CADPS: variants seen among roughly 807,000 people sequenced by gnomAD.
CADPS encodes calcium-dependent secretion activator 1.
Under a neutral mutation model 167.3 loss-of-function variants are expected in CADPS, and 57 were observed. That is an observed-to-expected ratio of 0.34 (90% confidence interval 0.28 to 0.42). The LOEUF (loss-of-function observed/expected upper bound fraction) is 0.42. Ranked by LOEUF, CADPS falls within the 20% of genes least tolerant of loss-of-function variation. The pLI, the probability that CADPS is intolerant of heterozygous loss-of-function variation, is 1.00. For missense variants in CADPS, 1,414 were observed against 1,738.1 expected (o/e 0.81, Z 3.32); for synonymous variants, 676 against 635.3 (o/e 1.06, Z -0.96).
chr3:62,825,451 G>A (rs1005741904), intron 1 of CADPS, among the ~76,000 whole-genome samples: 2 of 152,074 alleles, frequency 1.3e-5, no homozygotes, highest in African/African-American at 2.4e-5. Context: ...CTGAAACTCC[G>A]GGCGTGGAGG....
intron 8 of CADPS, among the ~76,000 whole-genome samples, chr3:62,584,151 C>T (rs2084057503): frequency 1.3e-5 from 2 of 152,012 alleles, no homozygotes; most frequent in Middle Eastern, 3.4e-3. Flanking sequence ...ATTACAGGTG[C>T]CCACCACCAT....
At chr3:62,658,993 C>A (rs982077739) in intron 4 of CADPS, among the ~76,000 whole-genome samples, 1 of 152,156 alleles carries the variant, frequency 6.6e-6, no homozygotes, top group Non-Finnish European at 1.5e-5. Flanking sequence ...AGTTTCTCTG[C>A]AGGTTCTGTG....
chr3:62,592,518 A>T, intron 7 of CADPS, 119 bp downstream of exon 7: 1 of 724,572 alleles, frequency 1.4e-6, no homozygotes, highest in Non-Finnish European at 2.4e-6. Flanking sequence ...TCCAGGACTT[A>T]ATGTTCAAAA....
chr3:62,820,514 G>A (rs2094852636), intron 1 of CADPS, among the ~76,000 whole-genome samples: 2 of 152,002 alleles, frequency 1.3e-5, no homozygotes, highest in South Asian at 4.2e-4. Context: ...TATTTCTTAG[G>A]CTGGTTATGT....
chr3:62,820,646 G>A (rs2094859777), intron 1 of CADPS, among the ~76,000 whole-genome samples: 1 of 152,154 alleles, frequency 6.6e-6, no homozygotes, highest in South Asian at 2.1e-4. Flanking sequence ...TCTGAAGGGT[G>A]AAAGCCTGAA....
rs145965301 is a variant in CADPS, at chr3:62,677,277, C to T, written c.889-14883G>A. On this transcript the variant is annotated intron_variant, in intron 3 of 29. Transcript: ENST00000383710. ...TTCACCTTCCTCCTCACCACTAGCA[C>T]CAAAAACAAAAAACCAAAACAACAA... Among the ~76,000 whole-genome samples the T allele has an allele frequency of 5.7e-3, 874 of 152,028 alleles. 16 individuals carry two copies. The highest frequency in any genetic ancestry group is 0.039 in the East Asian group (202 of 5,152).
At chr3:62,557,596 G>C in intron 9 of CADPS, 83 bp from the exon 10 acceptor site, 1 of 1,050,608 alleles carries the variant, frequency 9.5e-7, no homozygotes, top group Non-Finnish European at 1.5e-6. Flanking sequence ...TCTCCTCTGA[G>C]GATCTGGACT....
intron 3 of CADPS, among the ~76,000 whole-genome samples, chr3:62,721,884 A>T (rs1016517502): frequency 6.6e-6 from 1 of 152,194 alleles, no homozygotes; most frequent in African/African-American, 2.4e-5. Context: ...TGCAGCCACT[A>T]GTGTCAGATC....
At chr3:62,762,116 C>T (rs1172231332) in intron 2 of CADPS, among the ~76,000 whole-genome samples, 2 of 152,156 alleles carry the variant, frequency 1.3e-5, no homozygotes, top group Admixed American at 6.5e-5. Context: ...AATAGCACCT[C>T]CTCTCTCCTT....
chr3:62,854,715 G>T (rs2079314310), intron 1 of CADPS, among the ~76,000 whole-genome samples: 1 of 152,116 alleles, frequency 6.6e-6, no homozygotes, highest in Non-Finnish European at 1.5e-5. Flanking sequence ...TCTTCCCAAT[G>T]TAAAACATCT....
At chr3:62,718,518 G>A (rs2075122501) in intron 3 of CADPS, among the ~76,000 whole-genome samples, 1 of 152,164 alleles carries the variant, frequency 6.6e-6, no homozygotes, top group African/African-American at 2.4e-5. Context: ...GCATAGCCAG[G>A]TGGTATTCCT....
chr3:62,669,810 C>T (rs566549334), intron 3 of CADPS, among the ~76,000 whole-genome samples: 3 of 152,314 alleles, frequency 2.0e-5, no homozygotes, highest in South Asian at 2.1e-4. Context: ...GCTTGGCATG[C>T]AGTCACGTTC....
Position 62,532,991 on chromosome 3 carries a change from C to T in CADPS, c.2171G>A (p.Cys724Tyr), listed in dbSNP as rs749110612. Residue 724 changes from cysteine (C) to tyrosine (Y), a missense_variant, in exon 13 of 30, where the codon TGT (cysteine) becomes TAT (tyrosine). This residue lies in a region of CADPS where 529 missense variants were observed against 629.6 expected (regional missense o/e 0.84). Coordinates refer to ENST00000383710, the MANE Select transcript of CADPS (RefSeq NM_003716.4). ...EYCARNGVRG[C>Y]HRHLCYLRDL... is the part of the protein sequence containing the mutation. The stretch of plus-strand genomic sequence containing the variant: ...TCTGAGGTAGCAGAGATGTCGGTGA[C>T]ACCCCCGGACTCCATTTCGGGCGCA... 1 of 1,613,814 alleles carries T rather than the reference C, an allele frequency of 6.2e-7. No individual in the cohort carries two copies. Among genetic ancestry groups the T allele is most frequent in the South Asian group, 1.1e-5 (1 of 91,078 alleles).
rs1016513191 is a variant in CADPS at position 62,532,444 on chromosome 3, G to C, written c.2291+427C>G. ...TATGAAATAAATAACAAAAACAAAG[G>C]CAAATATTTATTGTTTTTGCCATGT... is the stretch of plus-strand genomic sequence containing the variant. On this transcript the variant is annotated intron_variant, in intron 13 of 29. Transcript: ENST00000383710. Among the ~76,000 whole-genome samples the C allele has an allele frequency of 1.6e-4, 24 of 152,156 alleles. No homozygotes were observed. The South Asian group carries it at 1.9e-3, about 12-fold the overall frequency.
At chr3:62,858,701 C>T (rs2080169658) in intron 1 of CADPS, among the ~76,000 whole-genome samples, 1 of 152,104 alleles carries the variant, frequency 6.6e-6, no homozygotes, top group Non-Finnish European at 1.5e-5. Context: ...TGATTAAACA[C>T]ACTGCGTAAA....
intron 3 of CADPS, among the ~76,000 whole-genome samples, chr3:62,741,771 C>A (rs190276892): frequency 6.6e-6 from 1 of 151,984 alleles, no homozygotes. Context: ...AAGTCTTGGC[C>A]AGGGCAATGA....
At chr3:62,700,858 G>T (rs1046448000) in intron 3 of CADPS, among the ~76,000 whole-genome samples, 3 of 152,060 alleles carry the variant, frequency 2.0e-5, no homozygotes, top group African/African-American at 4.8e-5. Context: ...CCATAGCCTG[G>T]GTGGCTTATA....
At chr3:62,745,299 C>T (rs1001812407) in intron 3 of CADPS, among the ~76,000 whole-genome samples, 1 of 152,026 alleles carries the variant, frequency 6.6e-6, no homozygotes, top group Non-Finnish European at 1.5e-5. Context: ...TCTTGAACTC[C>T]TCGTCTCAAG....
chr3:62,873,530 C>T (rs304232), intron 1 of CADPS, among the ~76,000 whole-genome samples: 4,384 of 151,992 alleles, frequency 0.029, 208 homozygotes, highest in African/African-American at 0.094. Context: ...TGCTTTTCTT[C>T]TGTCCCCACC....
Sources: allele counts gnomAD v4.1 joint callset (sites outside exome capture counted in the v4.1 genomes callset), GRCh38; gene constraint gnomAD v4.1.1; regional missense constraint gnomAD v4.1.1; transcripts MANE v1.5; gene names NCBI Gene and HGNC (gene_info 2026-07-23, HGNC 2026-07-21).